Variants in PKN2 observed in about 807,000 individuals in gnomAD.
The protein encoded by PKN2 is protein kinase N2, also known as serine/threonine-protein kinase N2.
A neutral mutation model predicts 119.1 loss-of-function variants in PKN2; 38 were observed. The observed-to-expected ratio is 0.32, with a 90% confidence interval of 0.25 to 0.42. PKN2 has a LOEUF of 0.42. Among genes scored for constraint, PKN2 ranks in the 10% least tolerant of loss-of-function variants. The probability of loss-of-function intolerance (pLI) is 1.00; values close to 1 mark genes in which losing one functional copy is unlikely to be tolerated. For missense variants in PKN2, 850 were observed against 1,165.1 expected (o/e 0.73, Z 3.94); for synonymous variants, 390 against 384.9 (o/e 1.01, Z -0.15).
In PKN2 at chr1:88,821,780, T is replaced by C. The variant is rs571699485; in HGVS notation, c.2280-161T>C. Among the ~76,000 whole-genome samples the C allele has an allele frequency of 4.6e-5, 7 of 152,316 alleles. No individual in the cohort carries two copies. In the East Asian group the frequency reaches 1.3e-3, roughly 29 times the overall value. ...AGACTGTACTTTTCTCATTTTTAAA[T>C]TTTACCCCTAATATCTAGCACAATG... On this transcript the variant is annotated intron_variant, in intron 16 of 21. Coordinates refer to ENST00000370521, the MANE Select transcript of PKN2 (RefSeq NM_006256.4).
chr1:88,708,346 C>G (rs1667086036), intron 1 of PKN2, among the ~76,000 whole-genome samples: 1 of 151,932 alleles, frequency 6.6e-6, no homozygotes, highest in East Asian at 1.9e-4. Flanking sequence ...AAACTTTATT[C>G]CATTTAGTAG....
intron 1 of PKN2, among the ~76,000 whole-genome samples, chr1:88,711,831 ATTTT>A (rs1667245316): frequency 6.6e-6 from 1 of 152,084 alleles, no homozygotes. Flanking sequence ...AAGGAACTGT[ATTTT>A]ATGTAATTTT....
At chr1:88,710,508 A>G (rs1313998903) in intron 1 of PKN2, among the ~76,000 whole-genome samples, 8 of 152,352 alleles carry the variant, frequency 5.3e-5, no homozygotes, top group Admixed American at 3.3e-4. Context: ...GAAACACACA[A>G]TTTAAGGATT....
Position 88,786,184 on chromosome 1 carries a change from G to A in PKN2, c.1252G>A (p.Asp418Asn). Residue 418 changes from aspartate to asparagine, a missense_variant, in exon 8 of 22, where the codon GAC becomes AAC. By Grantham distance (23) the Asp-to-Asn change is conservative. Coordinates refer to ENST00000370521, the MANE Select transcript of PKN2 (RefSeq NM_006256.4). The stretch of plus-strand genomic sequence containing the variant: ...GAAACCCATTTCCAATCAGTCATGG[G>A]ACCAGAAGTTTACACTGGAACTGGA... ...SWKPISNQSWDQKFTLELDRS... is the reference protein window; with the variant it reads ...SWKPISNQSWNQKFTLELDRS... 6.2e-7 allele frequency: 1 copy of A among 1,607,338 alleles called. No individual in the cohort carries two copies.
At chr1:88,765,654 GTT>G (rs1669639684) in intron 3 of PKN2, among the ~76,000 whole-genome samples, 1 of 145,928 alleles carries the variant, frequency 6.9e-6, no homozygotes, top group African/African-American at 2.8e-5. Context: ...TGGAAGTGGT[GTT>G]GTTGTTGTTG....
chr1:88,723,547 A>T (rs1667781739), intron 1 of PKN2, among the ~76,000 whole-genome samples: 1 of 151,704 alleles, frequency 6.6e-6, no homozygotes, highest in Non-Finnish European at 1.5e-5. Context: ...TCAGCCTCCC[A>T]AGTAGCTGGG....
chr1:88,764,914 G>GTTGTT (rs373234738), intron 3 of PKN2, among the ~76,000 whole-genome samples: 41 of 151,864 alleles, frequency 2.7e-4, no homozygotes, highest in East Asian at 5.8e-4. Context: ...TGTTGTTATT[G>GTTGTT]TTGTTTTGTT....
At chr1:88,770,843 C>T (rs1026617491) in intron 4 of PKN2, among the ~76,000 whole-genome samples, 1 of 151,160 alleles carries the variant, frequency 6.6e-6, no homozygotes, top group Admixed American at 6.6e-5. Flanking sequence ...CCTCGGCCCC[C>T]CAAAGTGCTG....
intron 1 of PKN2, among the ~76,000 whole-genome samples, chr1:88,708,053 A>G (rs1159676290): frequency 6.6e-6 from 1 of 152,208 alleles, no homozygotes; most frequent in African/African-American, 2.4e-5. Context: ...GGTTTTATTC[A>G]GTAGCATCAC....
At chr1:88,732,778 T>G (rs1489776082) in intron 1 of PKN2, among the ~76,000 whole-genome samples, 1 of 152,190 alleles carries the variant, frequency 6.6e-6, no homozygotes, top group Non-Finnish European at 1.5e-5. Flanking sequence ...TTAAATGAAG[T>G]CTTGTAAGTG....
chr1:88,772,475 AG>A (rs779173864), intron 6 of PKN2, among the ~76,000 whole-genome samples: 7 of 152,334 alleles, frequency 4.6e-5, no homozygotes, highest in Admixed American at 6.5e-5. Context: ...ATGCTTAACC[AG>A]TAAGTATAAT....
intron 2 of PKN2, among the ~76,000 whole-genome samples, chr1:88,757,023 A>G (rs1168095797): frequency 6.6e-6 from 1 of 152,098 alleles, no homozygotes; most frequent in Non-Finnish European, 1.5e-5. Flanking sequence ...AGCCTCAACC[A>G]CTATACTAGA....
intron 1 of PKN2, 106 bp downstream of exon 1, chr1:88,684,734 C>T: frequency 2.0e-6 from 2 of 981,612 alleles, no homozygotes; most frequent in African/African-American, 1.7e-5. Flanking sequence ...CGCCCCTAGC[C>T]CGCTAAGTGC....
intron 2 of PKN2, among the ~76,000 whole-genome samples, chr1:88,755,685 GGAA>G (rs1669169376): frequency 6.6e-6 from 1 of 152,048 alleles, no homozygotes; most frequent in Admixed American, 6.6e-5. Context: ...TTGTGGCTAA[GGAA>G]ACTGTAGCAC....
intron 3 of PKN2, among the ~76,000 whole-genome samples, chr1:88,762,434 T>A (rs920596834): frequency 6.6e-6 from 1 of 152,206 alleles, no homozygotes; most frequent in South Asian, 2.1e-4. Context: ...CCACCTTAAC[T>A]GTTTTTATTT....
chr1:88,731,379 G>T (rs1247264670), intron 1 of PKN2, among the ~76,000 whole-genome samples: 1 of 152,190 alleles, frequency 6.6e-6, no homozygotes, highest in Non-Finnish European at 1.5e-5. Flanking sequence ...CTTAAGGCAG[G>T]TAATATCTAT....
chr1:88,832,956 A>G (rs183581058), intron 20 of PKN2, 105 bp downstream of exon 20: 8 of 1,230,992 alleles, frequency 6.5e-6, no homozygotes, highest in Non-Finnish European at 9.1e-6. Flanking sequence ...CAGTTCATAA[A>G]TGTTGCATGG....
At chr1:88,784,132 CTTTTTTTTTTTTT>C (rs397862410) in intron 6 of PKN2, among the ~76,000 whole-genome samples, 2 of 103,950 alleles carry the variant, frequency 1.9e-5, no homozygotes, top group East Asian at 5.3e-4. Context: ...GATGCTGTTC[CTTTTTTTTTTTTT>C]TTTTTTTTTG....
chr1:88,789,849 A>G (rs1260885956), intron 8 of PKN2, among the ~76,000 whole-genome samples: 1 of 152,086 alleles, frequency 6.6e-6, no homozygotes, highest in African/African-American at 2.4e-5. Flanking sequence ...ATTATGTTAA[A>G]TCAGTAATCT....
Sources: allele counts gnomAD v4.1 joint callset (sites outside exome capture counted in the v4.1 genomes callset), GRCh38; gene constraint gnomAD v4.1.1; transcripts MANE v1.5; gene names NCBI Gene and HGNC (gene_info 2026-07-23, HGNC 2026-07-21).